The following LRP6 variants were observed in gnomAD, a reference collection of about 807,000 sequenced individuals.
LRP6 encodes the protein low-density lipoprotein receptor-related protein 6.
LRP6 carries 43 observed loss-of-function variants against 184.1 expected under a neutral mutation model. The observed-to-expected ratio is 0.23, with a 90% CI of 0.18 to 0.30. The LOEUF (loss-of-function observed/expected upper bound fraction) is 0.30, where lower values mean the gene tolerates loss of function less well. Ranked by LOEUF, LRP6 falls within the 10% of genes least tolerant of loss-of-function variation. The pLI, the probability that LRP6 is intolerant of heterozygous loss-of-function variation, is 1.00. For missense variants in LRP6, 1,571 were observed against 2,005.3 expected, an observed-to-expected ratio of 0.78 and a Z score of 4.14; for synonymous variants, 719 against 684.9, an observed-to-expected ratio of 1.05 and a Z score of -0.78.
intron 7 of LRP6, among the ~76,000 whole-genome samples, chr12:12,179,399 G>GATATAGATATAGATATAGAT (rs1863284105): frequency 2.7e-5 from 4 of 146,218 alleles, no homozygotes; most frequent in African/African-American, 1.0e-4. Context: ...TATAGATATA[G>GATATAGATATAGATATAGAT]ATATAGATAT....
Position 12,138,400 on chromosome 12 carries a change from T to G in LRP6, c.3532A>C (p.Arg1178=), listed in dbSNP as rs1949876794. ...GCAATTCGAGCTTGGACTTTGGTTCTACCCTCTCGACCTGTCATGTCAATT... is the reference window on the plus strand; with the variant it reads ...GCAATTCGAGCTTGGACTTTGGTTCGACCCTCTCGACCTGTCATGTCAATT... ...EKIDMTGREG[R]TKVQARIAQL... The change falls in exon 16 of 23, where the codon AGA becomes CGA. Residue 1178 remains arginine (R), a synonymous_variant. Transcript: ENST00000261349. 2 of 1,614,072 alleles carry G rather than the reference T, an allele frequency of 1.2e-6. No individual in the cohort carries two copies. Among genetic ancestry groups the G allele is most frequent in the African/African-American group, 2.7e-5 (2 of 74,926 alleles).
At chr12:12,248,999 AC>A in intron 1 of LRP6, 1 of 574,250 alleles carries the variant, frequency 1.7e-6, no homozygotes, top group Admixed American at 2.9e-5. Flanking sequence ...GGTGGCAGCC[AC>A]CACAGGCTCG....
chr12:12,203,406 A>C lies in LRP6; in HGVS notation c.450-6T>G. On this transcript the variant is annotated splice_region_variant and splice_polypyrimidine_tract_variant and intron_variant, in intron 2 of 22. Transcript: ENST00000261349. Reference sequence around the variant, plus strand: ...AGTCTGTCCAGTACATGAACCTAAAAATCATAAAAATAATTAAAGCCATGA... The same window carrying C: ...AGTCTGTCCAGTACATGAACCTAAACATCATAAAAATAATTAAAGCCATGA... 1 of 1,600,472 alleles carries C rather than the reference A, an allele frequency of 6.2e-7. No homozygotes were observed. Among genetic ancestry groups the C allele is most frequent in the South Asian group, 1.1e-5 (1 of 90,828 alleles).
chr12:12,249,127 G>C, intron 1 of LRP6: 1 of 700,366 alleles, frequency 1.4e-6, no homozygotes, highest in Admixed American at 2.0e-5. Context: ...ACACTTACAA[G>C]ACGTACAGGG....
At chr12:12,256,313 C>T (rs972782186) in intron 1 of LRP6, among the ~76,000 whole-genome samples, 1 of 152,194 alleles carries the variant, frequency 6.6e-6, no homozygotes, top group Non-Finnish European at 1.5e-5. Context: ...AATCCCAGCA[C>T]TCTGGGAGGC....
Position 12,164,587 on chromosome 12 carries a change from C to T in LRP6, c.1763-25G>A, listed in dbSNP as rs114487841. On this transcript the variant is annotated intron_variant, in intron 8 of 22. Transcript: ENST00000261349. The stretch of plus-strand genomic sequence containing the variant: ...CCTAAAAGATTAATTATAAAAGGGG[C>T]ACAGAAGGACACACACATTGATACA... 1,533 of 1,606,110 alleles carry T rather than the reference C, an allele frequency of 9.5e-4. 11 individuals are homozygous for T. The African/African-American group carries it at 0.018, about 19-fold the overall frequency.
At chr12:12,259,053 G>C (rs1211839038) in intron 1 of LRP6, among the ~76,000 whole-genome samples, 1 of 152,224 alleles carries the variant, frequency 6.6e-6, no homozygotes, top group African/African-American at 2.4e-5. Context: ...CCTGAGGTCA[G>C]GAGTTCGAGA....
intron 1 of LRP6, among the ~76,000 whole-genome samples, chr12:12,252,983 G>A (rs554189911): frequency 2.0e-5 from 3 of 152,178 alleles, no homozygotes; most frequent in Admixed American, 1.3e-4. Flanking sequence ...AAGGTTAATC[G>A]GCTGGGCGCA....
chr12:12,244,196 G>A, intron 2 of LRP6, 66 bp downstream of exon 2: 4 of 1,479,020 alleles, frequency 2.7e-6, no homozygotes, highest in Non-Finnish European at 3.8e-6. Context: ...GGTCAGGGTG[G>A]TGTATGTCAG....
intron 1 of LRP6, among the ~76,000 whole-genome samples, chr12:12,253,356 A>G (rs1417606486): frequency 1.3e-5 from 2 of 152,228 alleles, no homozygotes; most frequent in Non-Finnish European, 2.9e-5. Context: ...GCATGCCACA[A>G]AAATCAAACT....
intron 2 of LRP6, among the ~76,000 whole-genome samples, chr12:12,208,257 T>A (rs1026417109): frequency 6.6e-6 from 1 of 152,178 alleles, no homozygotes; most frequent in Non-Finnish European, 1.5e-5. Context: ...AGATTCACAG[T>A]TACTGGGGAG....
intron 2 of LRP6, among the ~76,000 whole-genome samples, chr12:12,205,325 CAAACAAAAAAAAAAA>C (rs1446128353): frequency 0.04 from 1,046 of 26,240 alleles, 7 homozygotes; most frequent in South Asian, 0.13. Context: ...CTGTCTCAAA[CAAACAAAAAAAAAAA>C]AAAAAAAAAA....
intron 2 of LRP6, among the ~76,000 whole-genome samples, chr12:12,224,029 A>G (rs980577187): frequency 1.3e-5 from 2 of 152,162 alleles, no homozygotes; most frequent in African/African-American, 4.8e-5. Flanking sequence ...TTTTGCCTTT[A>G]GTATTACAGG....
At chr12:12,252,477 G>A (rs146676937) in intron 1 of LRP6, among the ~76,000 whole-genome samples, 1 of 152,328 alleles carries the variant, frequency 6.6e-6, no homozygotes, top group East Asian at 1.9e-4. Flanking sequence ...AGTTAAATTT[G>A]TATAGGTAAA....
rs1328408925 is a variant in LRP6, at chr12:12,148,855, TTAAAGG to T, written c.3206+81_3206+86del. 8.4e-6 allele frequency: 8 copies of T among 957,298 alleles called. No individual in the cohort carries two copies. The African/African-American group carries it at 1.3e-4, about 15-fold the overall frequency. 59.3% of individuals were successfully genotyped at this position (957,298 alleles called of 1,614,324 possible). On this transcript the variant is annotated intron_variant, in intron 14 of 22. Coordinates refer to ENST00000261349, the MANE Select transcript of LRP6 (RefSeq NM_002336.3). ...AATTGTTTGCTGGAGCACAGGACAC[TTAAAGG>T]TAAATAAATAACAGGCTGAAAAAGA... is the stretch of plus-strand genomic sequence containing the variant.
At chr12:12,153,974 G>C (rs184171586) in intron 12 of LRP6, among the ~76,000 whole-genome samples, 2 of 152,328 alleles carry the variant, frequency 1.3e-5, no homozygotes, top group South Asian at 4.1e-4. Context: ...CAGGGGCATT[G>C]AGTAGGAACT....
At chr12:12,216,655 TAA>T (rs34936968) in intron 2 of LRP6, among the ~76,000 whole-genome samples, 9 of 137,036 alleles carry the variant, frequency 6.6e-5, no homozygotes, top group Admixed American at 1.4e-4. Context: ...ACTTAAAATT[TAA>T]AAAAAAAAAA....
At chr12:12,162,539 T>G (rs1372774178) in intron 9 of LRP6, 120 bp from the exon 10 acceptor site, 3 of 781,584 alleles carry the variant, frequency 3.8e-6, no homozygotes, top group Non-Finnish European at 6.7e-6. Flanking sequence ...AGGCATACTA[T>G]TTCCTATTAA....
At chr12:12,194,323 A>C (rs1163494671) in intron 3 of LRP6, among the ~76,000 whole-genome samples, 1 of 152,062 alleles carries the variant, frequency 6.6e-6, no homozygotes, top group Non-Finnish European at 1.5e-5. Flanking sequence ...TTAACAAGTT[A>C]CTATAAGGCA....
Sources: gnomAD v4.1 joint callset for allele counts (sites outside exome capture counted in the v4.1 genomes callset) on GRCh38, gnomAD v4.1.1 for gene constraint, MANE v1.5 for transcripts, NCBI Gene and HGNC (gene_info 2026-07-23, HGNC 2026-07-21) for gene names.